PLCG2: variants seen among roughly 807,000 people sequenced by gnomAD.
PLCG2 encodes 1-phosphatidylinositol 4,5-bisphosphate phosphodiesterase gamma-2.
PLCG2 carries 69 observed loss-of-function variants against 175.6 expected under a neutral mutation model. That is an observed-to-expected ratio of 0.39 (90% CI 0.32 to 0.48). The LOEUF is 0.48. Ranked by LOEUF, PLCG2 falls within the 20% of genes least tolerant of loss-of-function variation. The probability of loss-of-function intolerance (pLI) is 0.91; values close to 1 mark genes in which losing one functional copy is unlikely to be tolerated. For synonymous variants in PLCG2, 827 were observed against 624.0 expected (o/e 1.33, Z -4.85); for missense variants, 1,798 against 1,650.9 (o/e 1.09, Z -1.54).
At chr16:81,830,116 T>C (rs1194522865) in intron 2 of PLCG2, among the ~76,000 whole-genome samples, 4 of 151,880 alleles carry the variant, frequency 2.6e-5, no homozygotes, top group African/African-American at 9.7e-5. Context: ...GCCCAGGGAT[T>C]TGAGAATAGC....
intron 5 of PLCG2, among the ~76,000 whole-genome samples, chr16:81,864,576 A>G (rs1439632721): frequency 1.3e-5 from 2 of 152,214 alleles, no homozygotes; most frequent in Non-Finnish European, 2.9e-5. Flanking sequence ...GTAAAAGATA[A>G]AATAATAGTT....
intron 30 of PLCG2, among the ~76,000 whole-genome samples, chr16:81,944,926 T>A (rs1341236099): frequency 6.6e-6 from 1 of 152,028 alleles, no homozygotes; most frequent in Non-Finnish European, 1.5e-5. Context: ...ATCCTTGTAA[T>A]TTTTTTTAGT....
chr16:81,817,724 G>A (rs1904613860), intron 2 of PLCG2, among the ~76,000 whole-genome samples: 2 of 152,140 alleles, frequency 1.3e-5, no homozygotes, highest in Admixed American at 6.6e-5. Flanking sequence ...AGACTCAAGC[G>A]ACCCCCATGC....
intron 3 of PLCG2, 104 bp downstream of exon 3, chr16:81,854,691 T>C (rs1906595256): frequency 9.6e-7 from 1 of 1,041,706 alleles, no homozygotes; most frequent in Non-Finnish European, 1.4e-6. Flanking sequence ...CACTGATGTG[T>C]ATTTGGGGTC....
Position 81,872,152 on chromosome 16 carries a change from A to T in PLCG2, c.648+1217A>T, listed in dbSNP as rs1907546211. 6.6e-5 allele frequency among the ~76,000 whole-genome samples: 10 copies of T among 152,098 alleles called. No individual in the cohort carries two copies. The South Asian group carries it at 2.1e-3, about 32-fold the overall frequency. On this transcript the variant is annotated intron_variant, in intron 7 of 32. Transcript: ENST00000564138. ...AGATGAGCCTGGTCAACATGGCAAA[A>T]CCCCATCTCTACTAAAAATACAAAA... is the stretch of plus-strand genomic sequence containing the variant.
At chr16:81,799,583 C>A (rs1911628662) in intron 2 of PLCG2, among the ~76,000 whole-genome samples, 1 of 148,884 alleles carries the variant, frequency 6.7e-6, no homozygotes, top group East Asian at 2.0e-4. Context: ...AGCCACTGAG[C>A]CTGGCCTGTT....
intron 1 of PLCG2, among the ~76,000 whole-genome samples, chr16:81,744,412 C>G (rs1427651787): frequency 6.6e-6 from 1 of 152,116 alleles, no homozygotes; most frequent in Admixed American, 6.6e-5. Context: ...ATCTGCCCGC[C>G]TTGCCCTCCC....
chr16:81,860,166 A>ATTTTT (rs1264129417), intron 5 of PLCG2, among the ~76,000 whole-genome samples: 40 of 99,666 alleles, frequency 4.0e-4, no homozygotes, highest in African/African-American at 1.3e-3. Context: ...TATTATTATT[A>ATTTTT]TTATTATTTT....
intron 2 of PLCG2, among the ~76,000 whole-genome samples, chr16:81,806,810 C>T (rs562571635): frequency 2.0e-5 from 3 of 151,814 alleles, no homozygotes; most frequent in East Asian, 3.9e-4. Flanking sequence ...TTGAGGGCTT[C>T]AGGAATGGCC....
intron 1 of PLCG2, among the ~76,000 whole-genome samples, chr16:81,781,048 A>AACAC (rs564050259): frequency 8.6e-4 from 131 of 151,702 alleles, no homozygotes; most frequent in East Asian, 7.7e-3. Flanking sequence ...CAAACAAACA[A>AACAC]ACACACACAA....
At chr16:81,808,867 C>T (rs1904294628) in intron 2 of PLCG2, among the ~76,000 whole-genome samples, 1 of 152,180 alleles carries the variant, frequency 6.6e-6, no homozygotes, top group African/African-American at 2.4e-5. Context: ...CAAAATGGGG[C>T]TTATCAGAGC....
intron 7 of PLCG2, among the ~76,000 whole-genome samples, chr16:81,878,139 C>T (rs57503200): frequency 0.014 from 2,096 of 151,822 alleles, 50 homozygotes; most frequent in African/African-American, 0.047. Context: ...CCCACCACCA[C>T]GCCTGGCTAA....
At chr16:81,856,552 G>C (rs1400675128) in intron 3 of PLCG2, among the ~76,000 whole-genome samples, 1 of 152,138 alleles carries the variant, frequency 6.6e-6, no homozygotes, top group African/African-American at 2.4e-5. Flanking sequence ...TTAGAAGCAG[G>C]GGAGATACTG....
intron 2 of PLCG2, among the ~76,000 whole-genome samples, chr16:81,832,961 C>G (rs998208145): frequency 6.6e-6 from 1 of 152,190 alleles, no homozygotes; most frequent in Non-Finnish European, 1.5e-5. Flanking sequence ...CAGCTTGCTG[C>G]TGGGGCCATG....
intron 18 of PLCG2, 104 bp downstream of exon 18, chr16:81,910,824 C>G: frequency 9.3e-7 from 1 of 1,070,922 alleles, no homozygotes; most frequent in South Asian, 1.3e-5. Context: ...CCCAGGACAC[C>G]CTCTCCCCAG....
At chr16:81,824,631 A>T (rs116044047) in intron 2 of PLCG2, among the ~76,000 whole-genome samples, 2,023 of 152,274 alleles carry the variant, frequency 0.013, 68 homozygotes, top group African/African-American at 0.046. Flanking sequence ...GAGACTGGGC[A>T]TTCAGATTCA....
At position 81,873,667 on chromosome 16, in the gene PLCG2, C is replaced by T. The variant is rs570739263; in HGVS notation, c.648+2732C>T. ...GCACATGGCTGGGAGCAGTAGCTCACGCCTGTAATCCCACCACTTTGGGAG... is the reference window on the plus strand; with the variant it reads ...GCACATGGCTGGGAGCAGTAGCTCATGCCTGTAATCCCACCACTTTGGGAG... On this transcript the variant is annotated intron_variant, in intron 7 of 32. Coordinates refer to ENST00000564138, the MANE Select transcript of PLCG2 (RefSeq NM_002661.5). Among the ~76,000 whole-genome samples the T allele has an allele frequency of 2.5e-3, 374 of 152,138 alleles. 2 individuals are homozygous for T. The highest frequency in any genetic ancestry group is 8.5e-3 in the African/African-American group (352 of 41,486).
chr16:81,914,355 C>G (rs1597128617), intron 19 of PLCG2, among the ~76,000 whole-genome samples: 1 of 152,162 alleles, frequency 6.6e-6, no homozygotes, highest in East Asian at 1.9e-4. Context: ...CTTGGGCTGC[C>G]AGGACAGTGT....
At chr16:81,796,459 G>T (rs773654596) in intron 2 of PLCG2, among the ~76,000 whole-genome samples, 12 of 152,348 alleles carry the variant, frequency 7.9e-5, no homozygotes, top group Middle Eastern at 3.4e-3. Context: ...GGGTGGATTG[G>T]AGGTGGTCTC....
Sources: allele counts gnomAD v4.1 joint callset (sites outside exome capture counted in the v4.1 genomes callset), GRCh38; gene constraint gnomAD v4.1.1; transcripts MANE v1.5; gene names NCBI Gene and HGNC (gene_info 2026-07-23, HGNC 2026-07-21).